The following CCDC124 variants were observed in gnomAD, a reference collection of about 807,000 sequenced individuals.
CCDC124 encodes the protein coiled-coil domain-containing protein 124.
CCDC124 carries 9 observed loss-of-function variants against 19.8 expected under a neutral mutation model. That is an observed-to-expected ratio of 0.45 (90% CI 0.27 to 0.79). CCDC124 has a LOEUF of 0.79. Among genes scored for constraint, CCDC124 ranks in the 30% least tolerant of loss-of-function variants. CCDC124 has a pLI of 0.14. For missense variants in CCDC124, 285 were observed against 319.0 expected (o/e 0.89, Z 0.81); for synonymous variants, 126 against 131.3 (o/e 0.96, Z 0.27).
intron 2 of CCDC124, among the ~76,000 whole-genome samples, chr19:17,939,030 T>A (rs1242206035): frequency 7.0e-6 from 1 of 143,162 alleles, no homozygotes. Context: ...AGTTTGGGGG[T>A]TGGGGGATCA....
Position 17,942,091 on chromosome 19 carries a change from G to A in CCDC124, c.160-565G>A, listed in dbSNP as rs1315676944. 2.0e-5 allele frequency among the ~76,000 whole-genome samples: 3 copies of A among 152,140 alleles called. No individual in the cohort carries two copies. Among genetic ancestry groups the A allele is most frequent in the Non-Finnish European group, 4.4e-5 (3 of 67,992 alleles). ...AGGGCTTCCCTGGGCGGCCGATGTGGAATCAGTTTCAGCCTCAGTGACCCA... is the reference window on the plus strand; with the variant it reads ...AGGGCTTCCCTGGGCGGCCGATGTGAAATCAGTTTCAGCCTCAGTGACCCA... On this transcript the variant is annotated intron_variant, in intron 2 of 4. Transcript: ENST00000445755. The surrounding 1 kb of genome is among the most constrained non-coding windows in gnomAD (Gnocchi z 4.2).
At position 17,943,822 on chromosome 19, in the gene CCDC124, G is replaced by A; in HGVS notation, c.*107G>A. 5 of 1,159,342 alleles carry A rather than the reference G, an allele frequency of 4.3e-6. No homozygotes were observed. The highest frequency in any genetic ancestry group is 1.4e-5 in the South Asian group (1 of 70,636). 71.8% of individuals were successfully genotyped at this position (1,159,342 alleles called of 1,614,324 possible). Reference sequence around the variant, plus strand: ...GGTCACAGAGCGTTCCGGGGGCCAAGGCGCCGGGCCCCGGGGCCATGCTCT... The same window carrying A: ...GGTCACAGAGCGTTCCGGGGGCCAAAGCGCCGGGCCCCGGGGCCATGCTCT... On this transcript the variant is annotated 3_prime_UTR_variant, in exon 5 of 5. Transcript: ENST00000445755.
intron 1 of CCDC124, among the ~76,000 whole-genome samples, chr19:17,934,247 G>A (rs1280632030): frequency 6.6e-6 from 1 of 151,032 alleles, no homozygotes; most frequent in African/African-American, 2.5e-5. Context: ...TTAGCCGGGC[G>A]TGGTGGCAGG....
chr19:17,936,608 G>A (rs757784335), intron 2 of CCDC124, 29 bp downstream of exon 2: 16 of 1,595,368 alleles, frequency 1.0e-5, no homozygotes, highest in East Asian at 2.3e-5. Context: ...CCCGCGGCCC[G>A]CATGCCTTGT....
At chr19:17,940,904 G>A (rs1454909258) in intron 2 of CCDC124, among the ~76,000 whole-genome samples, 2 of 151,646 alleles carry the variant, frequency 1.3e-5, no homozygotes, top group African/African-American at 4.8e-5. Flanking sequence ...AAAATCAGCC[G>A]GGCATGGTGG....
At chr19:17,933,329 C>A (rs1310011985) in intron 1 of CCDC124, among the ~76,000 whole-genome samples, 1 of 152,192 alleles carries the variant, frequency 6.6e-6, no homozygotes, top group Non-Finnish European at 1.5e-5. Flanking sequence ...GGCGCGGACT[C>A]CCCCGGCCTC....
intron 1 of CCDC124, among the ~76,000 whole-genome samples, chr19:17,935,939 C>T (rs1052090639): frequency 2.6e-5 from 4 of 151,808 alleles, no homozygotes; most frequent in African/African-American, 9.7e-5. Context: ...GAGTCTCACT[C>T]TGTCGCCCAG....
At chr19:17,943,116 C>A in intron 3 of CCDC124, 145 bp from the exon 4 acceptor site, 1 of 773,524 alleles carries the variant, frequency 1.3e-6, no homozygotes, top group East Asian at 2.7e-5. Flanking sequence ...GAGGGCTTAT[C>A]AGCTGAAGTC....
At chr19:17,939,322 G>T (rs1225870612) in intron 2 of CCDC124, among the ~76,000 whole-genome samples, 1 of 152,104 alleles carries the variant, frequency 6.6e-6, no homozygotes, top group Non-Finnish European at 1.5e-5. Flanking sequence ...TTGTACCTGG[G>T]AGGTGGAGGT....
rs751606305 is a variant in CCDC124, at chr19:17,943,694, G to A, written c.651G>A (p.Val217=). ...ACAACCCCATGAACCAGCGGGCCGT[G>A]CCCTTCAATGCCCCCAAGTGAGCCC... The part of the protein sequence containing the change: ...SPDNPMNQRA[V]PFNAPK The change falls in exon 5 of 5, where the codon GTG becomes GTA. Residue 217 remains valine, a synonymous_variant. Coordinates refer to ENST00000445755, the MANE Select transcript of CCDC124 (RefSeq NM_001136203.2). 5.0e-6 allele frequency: 8 copies of A among 1,612,632 alleles called. No homozygotes were observed. The Admixed American group carries it at 8.3e-5, about 17-fold the overall frequency.
chr19:17,935,446 A>T (rs1179291900), intron 1 of CCDC124, among the ~76,000 whole-genome samples: 2 of 148,390 alleles, frequency 1.3e-5, no homozygotes, highest in Admixed American at 1.3e-4. Flanking sequence ...TTTGAGATGG[A>T]GTCTCGCTCT....
In CCDC124 at chr19:17,942,919, C is replaced by T; in HGVS notation, c.349+74C>T. ...CAGTGGACCTTGAGTCCATTAGCCC[C>T]CTCCTGGCCCCCAGAGAAGCTGCCG... On this transcript the variant is annotated intron_variant, in intron 3 of 4. Coordinates refer to ENST00000445755, the MANE Select transcript of CCDC124 (RefSeq NM_001136203.2). The surrounding 1 kb of genome is among the most constrained non-coding windows in gnomAD (Gnocchi z 4.2). 1 of 1,438,176 alleles carries T rather than the reference C, an allele frequency of 7.0e-7. No homozygotes were observed. Among genetic ancestry groups the T allele is most frequent in the Non-Finnish European group, 9.2e-7 (1 of 1,091,530 alleles). The allele number at this position is 1,438,176 out of a possible 1,614,324, so 89.1% of individuals were successfully genotyped here.
chr19:17,933,994 G>C (rs1599959359), intron 1 of CCDC124, among the ~76,000 whole-genome samples: 1 of 152,162 alleles, frequency 6.6e-6, no homozygotes, highest in African/African-American at 2.4e-5. Context: ...TTCCAGCTTG[G>C]GCTGTCATAA....
Position 17,943,825 on chromosome 19 carries a change from G to T in CCDC124, c.*110G>T. On this transcript the variant is annotated 3_prime_UTR_variant, in exon 5 of 5. Coordinates refer to ENST00000445755, the MANE Select transcript of CCDC124 (RefSeq NM_001136203.2). ...CACAGAGCGTTCCGGGGGCCAAGGC[G>T]CCGGGCCCCGGGGCCATGCTCTTAT... 1.8e-6 allele frequency: 2 copies of T among 1,114,066 alleles called. No homozygotes were observed. The highest frequency in any genetic ancestry group is 4.6e-5 in the Admixed American group (2 of 43,610). 69.0% of individuals were successfully genotyped at this position (1,114,066 alleles called of 1,614,324 possible).
intron 2 of CCDC124, among the ~76,000 whole-genome samples, chr19:17,940,215 T>C (rs1024190778): frequency 6.6e-6 from 1 of 151,866 alleles, no homozygotes; most frequent in African/African-American, 2.4e-5. Flanking sequence ...CTCTGGCCTG[T>C]TAAGAGATTT....
At chr19:17,939,399 A>C (rs1354973019) in intron 2 of CCDC124, among the ~76,000 whole-genome samples, 6 of 152,024 alleles carry the variant, frequency 3.9e-5, no homozygotes, top group Non-Finnish European at 8.8e-5. Context: ...CATCTCAAAA[A>C]AATAATAAAA....
In CCDC124 at chr19:17,942,961, AGGGT is replaced by A; in HGVS notation, c.349+125_349+128del. The A allele has an allele frequency of 7.8e-7, 1 of 1,280,884 alleles. No homozygotes were observed. Among genetic ancestry groups the A allele is most frequent in the Non-Finnish European group, 1.0e-6 (1 of 954,758 alleles). The allele number at this position is 1,280,884 out of a possible 1,614,324, so 79.3% of individuals were successfully genotyped here. On this transcript the variant is annotated intron_variant, in intron 3 of 4. Coordinates refer to ENST00000445755, the MANE Select transcript of CCDC124 (RefSeq NM_001136203.2). This position sits in a 1 kb window ranked among gnomAD's most constrained non-coding sequence, Gnocchi z 4.2. ...AAGCTGCCGGGGCTCCACGTGGTGC[AGGGT>A]GGGTGGGTAGGCCGCCTCCTGGTAG...
chr19:17,933,937 G>T (rs992307889), intron 1 of CCDC124, among the ~76,000 whole-genome samples: 1 of 152,210 alleles, frequency 6.6e-6, no homozygotes, highest in African/African-American at 2.4e-5. Flanking sequence ...ATTGAATGAC[G>T]TGTGCAAGTG....
At chr19:17,936,706 C>T (rs1308079869) in intron 2 of CCDC124, 127 bp downstream of exon 2, 11 of 1,219,718 alleles carry the variant, frequency 9.0e-6, no homozygotes, top group Admixed American at 7.7e-5. Context: ...AGGGACCAGG[C>T]GCTGTCGCTC....
Sources: gnomAD v4.1 joint callset for allele counts (sites outside exome capture counted in the v4.1 genomes callset) on GRCh38, gnomAD v4.1.1 for gene constraint, Gnocchi (gnomAD v3.1) non-coding constraint, MANE v1.5 for transcripts, NCBI Gene and HGNC (gene_info 2026-07-23, HGNC 2026-07-21) for gene names.